LCN9: variants seen among roughly 807,000 people sequenced by gnomAD.
LCN9 encodes the protein epididymal-specific lipocalin-9.
A neutral mutation model predicts 18.5 loss-of-function variants in LCN9; 22 were observed. The observed-to-expected ratio is 1.19, with a 90% CI of 0.85 to 1.70. The LOEUF (loss-of-function observed/expected upper bound fraction) is 1.70, where lower values mean the gene tolerates loss of function less well. Ranked by LOEUF, LCN9 falls within the 40% of genes most tolerant of loss-of-function variation. LCN9 has a pLI of 0.00. For synonymous variants in LCN9, 89 were observed against 83.0 expected, an observed-to-expected ratio of 1.07 and a Z score of -0.39; for missense variants, 202 against 201.3, an observed-to-expected ratio of 1.00 and a Z score of -0.02.
Position 135,665,199 on chromosome 9 carries a change from C to A in LCN9, c.308-46C>A. 1 of 1,331,004 alleles carries A rather than the reference C, an allele frequency of 7.5e-7. No homozygotes were observed. The highest frequency in any genetic ancestry group is 1.1e-6 in the Non-Finnish European group (1 of 945,592). 82.4% of individuals were successfully genotyped at this position (1,331,004 alleles called of 1,614,324 possible). A position where few individuals can be genotyped will look rare whatever the true frequency, so the allele number is the denominator to read the frequency against. ...GCCACACAGCACGTGTCACAGGACCCTGAGGGTGGCGGGGCCAGGCCACGC... is the reference window on the plus strand; with the variant it reads ...GCCACACAGCACGTGTCACAGGACCATGAGGGTGGCGGGGCCAGGCCACGC... On this transcript the variant is annotated intron_variant, in intron 3 of 5. Coordinates refer to ENST00000619315, the Ensembl canonical transcript of LCN9. This position sits in a 1 kb window ranked among gnomAD's most constrained non-coding sequence, Gnocchi z 5.9.
In LCN9 at chr9:135,666,226, C is replaced by T. The variant is rs561163706; in HGVS notation, c.*375C>T. ...AGCCTGGAGCCCGAGGTCTGAAACC[C>T]GAGGTCCGCAGGGCTGTGCTCCCTC... On this transcript the variant is annotated 3_prime_UTR_variant, in exon 6 of 6. Transcript: ENST00000619315. The T allele has an allele frequency of 1.6e-5, 22 of 1,394,150 alleles. No individual in the cohort carries two copies. The Admixed American group carries it at 1.6e-4, about 10-fold the overall frequency. The allele number at this position is 1,394,150 out of a possible 1,614,324, so 86.4% of individuals were successfully genotyped here.
rs780599743 is a variant in LCN9, at chr9:135,664,160, A to G, written c.97-2A>G. On this transcript the variant is annotated splice_acceptor_variant, in intron 1 of 5. Transcript: ENST00000619315. LOFTEE classifies it high-confidence loss of function. The surrounding 1 kb of genome is among the most constrained non-coding windows in gnomAD (Gnocchi z 4.5). ...CCACCCACTGGAGCTCTTTGTCTTC[A>G]GGTTTCAGGGGTCTGGTATTCTATT... 1.9e-6 allele frequency: 3 copies of G among 1,611,506 alleles called. No individual in the cohort carries two copies. Among genetic ancestry groups the G allele is most frequent in the African/African-American group, 2.7e-5 (2 of 74,460 alleles).
At chr9:135,666,921 CG>C (rs537843178) in exon 6 of LCN9, among the ~76,000 whole-genome samples, 246 of 152,182 alleles carry the variant, frequency 1.6e-3, no homozygotes, top group African/African-American at 5.6e-3. Context: ...CCTGCGCCCC[CG>C]CCTCCATGTT....
chr9:135,665,986 C>T lies in LCN9; in HGVS notation c.*135C>T. The T allele has an allele frequency of 6.3e-7, 1 of 1,597,952 alleles. No individual in the cohort carries two copies. Among genetic ancestry groups the T allele is most frequent in the Non-Finnish European group, 8.5e-7 (1 of 1,178,084 alleles). On this transcript the variant is annotated 3_prime_UTR_variant, in exon 6 of 6. Transcript: ENST00000619315. This position sits in a 1 kb window ranked among gnomAD's most constrained non-coding sequence, Gnocchi z 5.9. ...AACGTCAGAGGCTGCGGGGTCCCAC[C>T]CCAGGAGGTGCCCATCCCTCCCCCT...
rs1588216193 is a variant in LCN9, at chr9:135,666,200, C to A, written c.*349C>A. On this transcript the variant is annotated 3_prime_UTR_variant, in exon 6 of 6. Coordinates refer to ENST00000619315, the Ensembl canonical transcript of LCN9. The stretch of plus-strand genomic sequence containing the variant: ...AGGACAACCAGGATTTACTTTCTCA[C>A]AGCCTGGAGCCCGAGGTCTGAAACC... 4 of 1,505,920 alleles carry A rather than the reference C, an allele frequency of 2.7e-6. No individual in the cohort carries two copies. In the East Asian group the frequency reaches 9.1e-5, roughly 34 times the overall value. 93.3% of individuals were successfully genotyped at this position (1,505,920 alleles called of 1,614,324 possible). A position where few individuals can be genotyped will look rare whatever the true frequency, so the allele number is the denominator to read the frequency against.
rs557129387 is a variant in LCN9 at position 135,665,273 on chromosome 9, G to C, written c.336G>C (p.Ser112=). 2.5e-6 allele frequency: 4 copies of C among 1,603,364 alleles called. No individual in the cohort carries two copies. The highest frequency in any genetic ancestry group is 3.4e-6 in the Non-Finnish European group (4 of 1,175,312). Residue 112 remains serine, a synonymous_variant, in exon 4 of 6, where the codon TCG becomes TCC. Coordinates refer to ENST00000619315, the Ensembl canonical transcript of LCN9. This position sits in a 1 kb window ranked among gnomAD's most constrained non-coding sequence, Gnocchi z 5.9. ...AGGGCCAGAACACAGTGGCCGTCTC[G>C]GAGACTGACTACAGGCTGTTCATCA...
In LCN9 at chr9:135,665,198, C is replaced by A. The variant is rs759078890; in HGVS notation, c.308-47C>A. On this transcript the variant is annotated intron_variant, in intron 3 of 5. Coordinates refer to ENST00000619315, the Ensembl canonical transcript of LCN9. This position sits in a 1 kb window ranked among gnomAD's most constrained non-coding sequence, Gnocchi z 5.9. The stretch of plus-strand genomic sequence containing the variant: ...GGCCACACAGCACGTGTCACAGGAC[C>A]CTGAGGGTGGCGGGGCCAGGCCACG... 1.5e-6 allele frequency: 2 copies of A among 1,316,848 alleles called. No individual in the cohort carries two copies. Among genetic ancestry groups the A allele is most frequent in the Non-Finnish European group, 1.1e-6 (1 of 932,878 alleles). The allele number at this position is 1,316,848 out of a possible 1,614,324, so 81.6% of individuals were successfully genotyped here.
rs1381386762 is a variant in LCN9, at chr9:135,664,679, G to A, written c.234-43G>A. On this transcript the variant is annotated intron_variant, in intron 2 of 5. Transcript: ENST00000619315. This position sits in a 1 kb window ranked among gnomAD's most constrained non-coding sequence, Gnocchi z 4.5. ...TGCTCTCTGCCATCGCACGTCCAGG[G>A]GGCTGGAGCTCCACTCCCGGCATCT... The A allele has an allele frequency of 1.3e-6, 2 of 1,524,140 alleles. No individual in the cohort carries two copies. Among genetic ancestry groups the A allele is most frequent in the East Asian group, 2.4e-5 (1 of 41,152 alleles). The allele number at this position is 1,524,140 out of a possible 1,614,324, so 94.4% of individuals were successfully genotyped here.
chr9:135,665,436 C>A lies in LCN9; in HGVS notation c.418+81C>A. On this transcript the variant is annotated intron_variant, in intron 4 of 5. Coordinates refer to ENST00000619315, the Ensembl canonical transcript of LCN9. The surrounding 1 kb of genome is among the most constrained non-coding windows in gnomAD (Gnocchi z 5.9). Reference sequence around the variant, plus strand: ...GGCCCAACCCTGGGCGGAGGAGGGTCTCGCAGTGGCCCTGGGGTTTGGAGA... The same window carrying A: ...GGCCCAACCCTGGGCGGAGGAGGGTATCGCAGTGGCCCTGGGGTTTGGAGA... 1.7e-6 allele frequency: 2 copies of A among 1,160,506 alleles called. No homozygotes were observed. Among genetic ancestry groups the A allele is most frequent in the South Asian group, 2.6e-5 (2 of 76,106 alleles). The allele number at this position is 1,160,506 out of a possible 1,614,324, so 71.9% of individuals were successfully genotyped here. A position where few individuals can be genotyped will look rare whatever the true frequency, so the allele number is the denominator to read the frequency against.
At chr9:135,666,081 G>A (rs762863759) in exon 6 of LCN9, 2 of 1,599,420 alleles carry the variant, frequency 1.3e-6, no homozygotes, top group Non-Finnish European at 1.7e-6. Flanking sequence ...TCGGGGCAGT[G>A]ATGGGGCCTT....
exon 6 of LCN9, chr9:135,666,063 T>A: frequency 6.3e-7 from 1 of 1,599,518 alleles, no homozygotes; most frequent in Non-Finnish European, 8.5e-7. Flanking sequence ...GTGAAAAGCA[T>A]CCTGGAGTCG....
chr9:135,666,154 T>C (rs2119181318), exon 6 of LCN9: 3 of 1,581,664 alleles, frequency 1.9e-6, no homozygotes, highest in Non-Finnish European at 2.6e-6. Context: ...CAGGGGCTGA[T>C]GTCACCATAT....
rs1427391707 is a variant in LCN9 at position 135,665,819 on chromosome 9, G to A, written c.*10-42G>A. The A allele has an allele frequency of 6.2e-7, 1 of 1,612,132 alleles. No individual in the cohort carries two copies. The highest frequency in any genetic ancestry group is 8.5e-7 in the Non-Finnish European group (1 of 1,179,122). On this transcript the variant is annotated intron_variant, in intron 5 of 5. Coordinates refer to ENST00000619315, the Ensembl canonical transcript of LCN9. The surrounding 1 kb of genome is among the most constrained non-coding windows in gnomAD (Gnocchi z 5.9). ...GGTGGGGATGGGAGGTGTGCCTGCGGGGTCCCTGTCCCTGCGCTGAGAGCC... is the reference window on the plus strand; with the variant it reads ...GGTGGGGATGGGAGGTGTGCCTGCGAGGTCCCTGTCCCTGCGCTGAGAGCC...
rs1834181685 is a variant in LCN9, at chr9:135,664,389, C to T, written c.233+91C>T. The T allele has an allele frequency of 3.3e-6, 5 of 1,496,764 alleles. No individual in the cohort carries two copies. The highest frequency in any genetic ancestry group is 4.6e-6 in the Non-Finnish European group (5 of 1,087,976). The allele number at this position is 1,496,764 out of a possible 1,614,324, so 92.7% of individuals were successfully genotyped here. On this transcript the variant is annotated intron_variant, in intron 2 of 5. Coordinates refer to ENST00000619315, the Ensembl canonical transcript of LCN9. This position sits in a 1 kb window ranked among gnomAD's most constrained non-coding sequence, Gnocchi z 4.5. ...TCACTCTTGCACACACACGCTCGCA[C>T]ACTCACTGACTTGCACTCTGGTGAG...
At position 135,664,067 on chromosome 9, in the gene LCN9, C is replaced by G; in HGVS notation, c.97-95C>G. Reference sequence around the variant, plus strand: ...AGGGGTTCTGGTTGGGAGCCAGATGCTAAGGGGCCGGGCCCTGGGAGGGAA... The same window carrying G: ...AGGGGTTCTGGTTGGGAGCCAGATGGTAAGGGGCCGGGCCCTGGGAGGGAA... On this transcript the variant is annotated intron_variant, in intron 1 of 5. Coordinates refer to ENST00000619315, the Ensembl canonical transcript of LCN9. The surrounding 1 kb of genome is among the most constrained non-coding windows in gnomAD (Gnocchi z 4.5). The G allele has an allele frequency of 7.2e-7, 1 of 1,385,386 alleles. No individual in the cohort carries two copies. Among genetic ancestry groups the G allele is most frequent in the Non-Finnish European group, 9.8e-7 (1 of 1,019,628 alleles). 85.8% of individuals were successfully genotyped at this position (1,385,386 alleles called of 1,614,324 possible).
In LCN9 at chr9:135,665,977, G is replaced by T; in HGVS notation, c.*126G>T. ...CTTGGGGCCAACGTCAGAGGCTGCG[G>T]GGTCCCACCCCAGGAGGTGCCCATC... On this transcript the variant is annotated 3_prime_UTR_variant, in exon 6 of 6. Coordinates refer to ENST00000619315, the Ensembl canonical transcript of LCN9. This position sits in a 1 kb window ranked among gnomAD's most constrained non-coding sequence, Gnocchi z 5.9. 3 of 1,598,820 alleles carry T rather than the reference G, an allele frequency of 1.9e-6. No individual in the cohort carries two copies. The highest frequency in any genetic ancestry group is 2.5e-6 in the Non-Finnish European group (3 of 1,177,964).
chr9:135,663,371 A>G (rs368300865), exon 1 of LCN9: 19 of 1,613,814 alleles, frequency 1.2e-5, no homozygotes, highest in Non-Finnish European at 1.4e-5. Flanking sequence ...GCAGCCCAGG[A>G]GTTCGATCCC....
At position 135,663,825 on chromosome 9, in the gene LCN9, G is replaced by T. The variant is rs1225366318; in HGVS notation, c.97-337G>T. 7.3e-4 allele frequency among the ~76,000 whole-genome samples: 22 copies of T among 30,136 alleles called. 1 individual carries two copies. The highest frequency in any genetic ancestry group is 2.7e-3 in the African/African-American group (22 of 8,208). 19.8% of individuals were successfully genotyped at this position (30,136 alleles called of 152,430 possible). A position where few individuals can be genotyped will look rare whatever the true frequency, so the allele number is the denominator to read the frequency against. On this transcript the variant is annotated intron_variant, in intron 1 of 5. Transcript: ENST00000619315. Reference sequence around the variant, plus strand: ...GGGGGACCTGGAGGGGCAGAGGAGAGACCTGTGGGGCAGAGGGGGCCCTGG... The same window carrying T: ...GGGGGACCTGGAGGGGCAGAGGAGATACCTGTGGGGCAGAGGGGGCCCTGG...
At position 135,665,962 on chromosome 9, in the gene LCN9, A is replaced by G. The variant is rs906872502; in HGVS notation, c.*111A>G. On this transcript the variant is annotated 3_prime_UTR_variant, in exon 6 of 6. Transcript: ENST00000619315. The surrounding 1 kb of genome is among the most constrained non-coding windows in gnomAD (Gnocchi z 5.9). ...GCTGGATGGGGAGAGCTTGGGGCCA[A>G]CGTCAGAGGCTGCGGGGTCCCACCC... The G allele has an allele frequency of 8.7e-6, 14 of 1,600,908 alleles. No individual in the cohort carries two copies. Among genetic ancestry groups the G allele is most frequent in the South Asian group, 1.1e-5 (1 of 90,284 alleles).
Sources: allele counts gnomAD v4.1 joint callset (sites outside exome capture counted in the v4.1 genomes callset), GRCh38; gene constraint gnomAD v4.1.1; non-coding constraint Gnocchi (gnomAD v3.1); transcripts MANE v1.5; gene names NCBI Gene and HGNC (gene_info 2026-07-23, HGNC 2026-07-21).